The following ARHGEF1 variants were observed in gnomAD, a reference collection of about 807,000 sequenced individuals.
ARHGEF1 encodes the protein Rho guanine nucleotide exchange factor 1, also known as 115 kDa guanine nucleotide exchange factor.
In ARHGEF1, 40 loss-of-function variants were observed where a neutral mutation model predicts 119.7. The observed-to-expected ratio is 0.33, with a 90% CI of 0.26 to 0.44. ARHGEF1 has a LOEUF of 0.44. ARHGEF1 is among the 20% of genes least tolerant of loss of function. The pLI, the probability that ARHGEF1 is intolerant of heterozygous loss-of-function variation, is 1.00. For missense variants in ARHGEF1, 976 were observed against 1,268.3 expected (o/e 0.77, Z 3.50); for synonymous variants, 494 against 521.0 (o/e 0.95, Z 0.71).
Position 41,906,084 on chromosome 19 carries a change from C to G in ARHGEF1, c.2491+59C>G. ...AGCCCAAACAGTGCCTCTGTTCCAA[C>G]TAGAACAAGGCTCTCCACGTCAAAA... is the stretch of plus-strand genomic sequence containing the variant. On this transcript the variant is annotated intron_variant, in intron 26 of 28. Transcript: ENST00000354532. This position sits in a 1 kb window ranked among gnomAD's most constrained non-coding sequence, Gnocchi z 4.5. 1.3e-6 allele frequency: 2 copies of G among 1,491,068 alleles called. No homozygotes were observed. The highest frequency in any genetic ancestry group is 2.3e-5 in the South Asian group (2 of 88,356). 92.4% of individuals were successfully genotyped at this position (1,491,068 alleles called of 1,614,324 possible). A position where few individuals can be genotyped will look rare whatever the true frequency, so the allele number is the denominator to read the frequency against.
rs553494428 is a variant in ARHGEF1, at chr19:41,895,973, C to T, written c.1016-404C>T. ...TGTTTATTTAGTATCTTGGATATGA[C>T]TCCCCTTTCTTAGCCTCCGTTTGCT... On this transcript the variant is annotated intron_variant, in intron 12 of 28. Transcript: ENST00000354532. Among the ~76,000 whole-genome samples, 218 of 152,334 alleles carry T rather than the reference C, an allele frequency of 1.4e-3. 1 individual carries two copies. Among genetic ancestry groups the T allele is most frequent in the African/African-American group, 5.0e-3 (208 of 41,568 alleles).
At chr19:41,923,302 G>A in intron 1 of ARHGEF1, 1 of 389,546 alleles carries the variant, frequency 2.6e-6, no homozygotes, top group Non-Finnish European at 5.1e-6. Context: ...AGACAGAAAA[G>A]GAGGAAAGAG....
rs2074253945 is a variant in ARHGEF1, at chr19:41,883,704, T to G, written c.-20+415T>G. Among the ~76,000 whole-genome samples, 1 of 152,198 alleles carries G rather than the reference T, an allele frequency of 6.6e-6. No individual in the cohort carries two copies. Among genetic ancestry groups the G allele is most frequent in the Non-Finnish European group, 1.5e-5 (1 of 68,034 alleles). On this transcript the variant is annotated intron_variant, in intron 1 of 28. Transcript: ENST00000354532. This position sits in a 1 kb window ranked among gnomAD's most constrained non-coding sequence, Gnocchi z 7.6. ...AAAGCGCCATCCTCCAACCCCCGCA[T>G]GCTTTAGGGCCACCTAAAAATGAAA...
At position 41,889,443 on chromosome 19, in the gene ARHGEF1, T is replaced by A. The variant is rs1428492978; in HGVS notation, c.225+578T>A. Reference sequence around the variant, plus strand: ...TGAGGCAGAAGATACCTGGGAGATGTGGATGGACAACCGTGCCATCCAGAA... The same window carrying A: ...TGAGGCAGAAGATACCTGGGAGATGAGGATGGACAACCGTGCCATCCAGAA... On this transcript the variant is annotated intron_variant, in intron 4 of 28. Transcript: ENST00000354532. The surrounding 1 kb of genome is among the most constrained non-coding windows in gnomAD (Gnocchi z 4.0). 6.6e-6 allele frequency: 1 copy of A among 152,304 alleles called. No homozygotes were observed. The highest frequency in any genetic ancestry group is 2.1e-4 in the South Asian group (1 of 4,848). The allele number at this position is 152,304 out of a possible 1,614,324, so 9.4% of individuals were successfully genotyped here. A position where few individuals can be genotyped will look rare whatever the true frequency, so the allele number is the denominator to read the frequency against.
downstream of ARHGEF1, among the ~76,000 whole-genome samples, chr19:41,911,037 G>A (rs982422054): frequency 1.3e-5 from 2 of 152,140 alleles, no homozygotes. Context: ...GATGGAGACG[G>A]TGAACACAGC....
Position 41,916,843 on chromosome 19 carries a change from G to GTC in ARHGEF1, c.1866-6249_1866-6248insTC. Among the ~76,000 whole-genome samples, 1 of 151,682 alleles carries GTC rather than the reference G, an allele frequency of 6.6e-6. No homozygotes were observed. Among genetic ancestry groups the GTC allele is most frequent in the African/African-American group, 2.4e-5 (1 of 41,192 alleles). On this transcript the variant is annotated intron_variant, in intron 18 of 20. Transcript: ENST00000599589. The surrounding 1 kb of genome is among the most constrained non-coding windows in gnomAD (Gnocchi z 5.4). ...AGATCACGGACCCAAACATACGACC[G>GTC]ACAGCGGCCCCTGCAGAGGTACACA...
intron 13 of ARHGEF1, 184 bp from the exon 14 acceptor site, chr19:41,898,258 G>T: frequency 1.5e-6 from 2 of 1,299,550 alleles, no homozygotes; most frequent in South Asian, 1.5e-5. Flanking sequence ...GGAGGAGGGG[G>T]TAGAATGCTT....
At chr19:41,887,633 G>A (rs570448809) in intron 1 of ARHGEF1, among the ~76,000 whole-genome samples, 1 of 152,170 alleles carries the variant, frequency 6.6e-6, no homozygotes, top group East Asian at 1.9e-4. Context: ...CAGACCAGAG[G>A]AGACCCCTGC....
In ARHGEF1 at chr19:41,903,110, C is replaced by T. The variant is rs782589284; in HGVS notation, c.1739-197C>T. On this transcript the variant is annotated intron_variant, in intron 18 of 28. Transcript: ENST00000354532. This position sits in a 1 kb window ranked among gnomAD's most constrained non-coding sequence, Gnocchi z 4.2. ...TTTTTTTAGTTTTTTTTTTTAGAGA[C>T]GGGGTCTCGCCATGTTGCCCAGGCT... is the stretch of plus-strand genomic sequence containing the variant. 1.5e-4 allele frequency among the ~76,000 whole-genome samples: 22 copies of T among 151,674 alleles called. No homozygotes were observed. The highest frequency in any genetic ancestry group is 2.4e-4 in the Non-Finnish European group (16 of 67,900).
downstream of ARHGEF1, chr19:41,909,310 G>T (rs1211558248): frequency 2.4e-6 from 3 of 1,234,682 alleles, no homozygotes; most frequent in Middle Eastern, 2.3e-4. This position sits in a 1 kb window ranked among gnomAD's most constrained non-coding sequence, Gnocchi z 5.2. Flanking sequence ...TGGCCCTGGG[G>T]CCCCCCCAAA....
chr19:41,884,134 C>T (rs2074258017), intron 1 of ARHGEF1, among the ~76,000 whole-genome samples: 2 of 152,132 alleles, frequency 1.3e-5, no homozygotes, highest in Admixed American at 1.3e-4. Flanking sequence ...AGGAGATCTC[C>T]GATCGAACTC....
chr19:41,919,331 C>T (rs1467144650), upstream of ARHGEF1, among the ~76,000 whole-genome samples: 3 of 152,160 alleles, frequency 2.0e-5, no homozygotes, highest in Non-Finnish European at 2.9e-5. Flanking sequence ...CAGACACATG[C>T]GCCATCCAAC....
At chr19:41,922,290 G>A (rs982232335), upstream of ARHGEF1, among the ~76,000 whole-genome samples, 4 of 152,220 alleles carry the variant, frequency 2.6e-5, no homozygotes, top group East Asian at 7.7e-4. Flanking sequence ...TGCTCAGCAG[G>A]GAATCAGGGA....
chr19:41,905,343 C>A lies in ARHGEF1; in HGVS notation c.2336+82C>A. 2 of 1,269,066 alleles carry A rather than the reference C, an allele frequency of 1.6e-6. No individual in the cohort carries two copies. Among genetic ancestry groups the A allele is most frequent in the East Asian group, 2.3e-5 (1 of 42,954 alleles). 78.6% of individuals were successfully genotyped at this position (1,269,066 alleles called of 1,614,324 possible). ...CAGGCTTCCCTCCACAACTCCAGAA[C>A]CGTCTCTGTGTGAGCATGCACATGT... On this transcript the variant is annotated intron_variant, in intron 24 of 28. Coordinates refer to ENST00000354532, the MANE Select transcript of ARHGEF1 (RefSeq NM_004706.4). This position sits in a 1 kb window ranked among gnomAD's most constrained non-coding sequence, Gnocchi z 6.4.
downstream of ARHGEF1, chr19:41,910,062 ACT>A: frequency 6.2e-7 from 1 of 1,613,106 alleles, no homozygotes; most frequent in East Asian, 2.2e-5. The surrounding 1 kb of genome is among the most constrained non-coding windows in gnomAD (Gnocchi z 4.4). Flanking sequence ...CCAGGGGATG[ACT>A]CTGGCTTGTA....
chr19:41,898,116 A>AG, intron 13 of ARHGEF1: 14 of 1,374,470 alleles, frequency 1.0e-5, no homozygotes, highest in South Asian at 8.8e-5. Flanking sequence ...CGAGCCACGT[A>AG]TGTCAACCCT....
At chr19:41,926,573 C>G (rs111606567) in intron 1 of ARHGEF1, among the ~76,000 whole-genome samples, 32 of 152,278 alleles carry the variant, frequency 2.1e-4, no homozygotes, top group African/African-American at 7.2e-4. Flanking sequence ...CTCTCGGGTC[C>G]CTCCCGTGGC....
At chr19:41,908,783 A>G (rs1379309210), downstream of ARHGEF1, 3 of 552,552 alleles carry the variant, frequency 5.4e-6, no homozygotes, top group African/African-American at 5.9e-5. This position sits in a 1 kb window ranked among gnomAD's most constrained non-coding sequence, Gnocchi z 6.7. Context: ...CATCCCTCCT[A>G]CATGGCATCT....
At chr19:41,924,155 G>A (rs1005502967) in intron 1 of ARHGEF1, among the ~76,000 whole-genome samples, 1 of 151,808 alleles carries the variant, frequency 6.6e-6, no homozygotes, top group East Asian at 1.9e-4. Context: ...GGGAGATGGG[G>A]TTGGGAGGTA....
Sources: allele counts gnomAD v4.1 joint callset (sites outside exome capture counted in the v4.1 genomes callset), GRCh38; gene constraint gnomAD v4.1.1; non-coding constraint Gnocchi (gnomAD v3.1); transcripts MANE v1.5; gene names NCBI Gene and HGNC (gene_info 2026-07-23, HGNC 2026-07-21).